The following THSD7A variants were observed in gnomAD, a reference collection of about 807,000 sequenced individuals.
THSD7A encodes the protein thrombospondin type-1 domain-containing protein 7A.
Under a neutral mutation model 231.3 loss-of-function variants are expected in THSD7A, and 96 were observed. That is an observed-to-expected ratio of 0.41 (90% CI 0.35 to 0.49). The LOEUF is 0.49. Ranked by LOEUF, THSD7A falls within the 20% of genes least tolerant of loss-of-function variation. THSD7A has a pLI of 0.05. For missense variants in THSD7A, 2,290 were observed against 2,070.2 expected (o/e 1.11, Z -2.06); for synonymous variants, 940 against 743.3 (o/e 1.26, Z -4.30).
rs567613163 is a variant in THSD7A, at chr7:11,556,833, C to G, written c.1454-13716G>C. 1.6e-4 allele frequency among the ~76,000 whole-genome samples: 25 copies of G among 152,128 alleles called. No individual in the cohort carries two copies. The South Asian group carries it at 5.2e-3, about 32-fold the overall frequency. ...ATATGGTTTCTGGTTCACTGTCACTCAAATTTCTTTTTCTTGTAGTAAGGT... is the reference window on the plus strand; with the variant it reads ...ATATGGTTTCTGGTTCACTGTCACTGAAATTTCTTTTTCTTGTAGTAAGGT... On this transcript the variant is annotated intron_variant, in intron 4 of 27. Coordinates refer to ENST00000423059, the MANE Select transcript of THSD7A (RefSeq NM_015204.3).
At chr7:11,665,778 G>A (rs528143280) in intron 1 of THSD7A, among the ~76,000 whole-genome samples, 2 of 151,904 alleles carry the variant, frequency 1.3e-5, no homozygotes, top group African/African-American at 4.8e-5. Context: ...ACAATTTGGG[G>A]GCCCCCTCAG....
intron 1 of THSD7A, among the ~76,000 whole-genome samples, chr7:11,741,323 G>T (rs934446915): frequency 5.3e-5 from 8 of 151,874 alleles, no homozygotes; most frequent in Non-Finnish European, 1.2e-4. Flanking sequence ...ATCCAAAGGG[G>T]AAAACATTTC....
chr7:11,374,036 A>C lies in THSD7A; in HGVS notation c.*1758T>G, dbSNP rs1330580125. 1 of 152,096 alleles carries C rather than the reference A, an allele frequency of 6.6e-6. No individual in the cohort carries two copies. Among genetic ancestry groups the C allele is most frequent in the Non-Finnish European group, 1.5e-5 (1 of 67,988 alleles). 9.4% of individuals were successfully genotyped at this position (152,096 alleles called of 1,614,324 possible). On this transcript the variant is annotated 3_prime_UTR_variant, in exon 28 of 28. Coordinates refer to ENST00000423059, the MANE Select transcript of THSD7A (RefSeq NM_015204.3). ...TAGAAAATACAGCTACTTCTGATAC[A>C]GTGGGAAATGTAATGACTGTAAATT...
At chr7:11,561,380 C>T (rs986573938) in intron 4 of THSD7A, among the ~76,000 whole-genome samples, 4 of 152,074 alleles carry the variant, frequency 2.6e-5, no homozygotes, top group African/African-American at 4.8e-5. Flanking sequence ...ACTTCTGTGC[C>T]GCAGTGAGAA....
At chr7:11,743,834 T>C (rs1439647891) in intron 1 of THSD7A, among the ~76,000 whole-genome samples, 2 of 151,922 alleles carry the variant, frequency 1.3e-5, no homozygotes, top group African/African-American at 4.8e-5. Context: ...CATAAAGAAT[T>C]ACAGGAGTCT....
At chr7:11,723,761 G>A (rs7787906) in intron 1 of THSD7A, among the ~76,000 whole-genome samples, 3,784 of 151,972 alleles carry the variant, frequency 0.025, 163 homozygotes, top group African/African-American at 0.087. Flanking sequence ...AAAAACAACC[G>A]TAAGTATTGT....
At chr7:11,546,223 C>CACACACACACACACACACACACAA (rs371554481) in intron 4 of THSD7A, among the ~76,000 whole-genome samples, 26 of 148,822 alleles carry the variant, frequency 1.7e-4, no homozygotes, top group African/African-American at 5.7e-4. Flanking sequence ...CACACACACA[C>CACACACACACACACACACACACAA]ACACACACGT....
chr7:11,380,206 A>G (rs1782456799), intron 24 of THSD7A, among the ~76,000 whole-genome samples: 1 of 152,138 alleles, frequency 6.6e-6, no homozygotes, highest in Admixed American at 6.6e-5. Context: ...CTGCTAATTC[A>G]TGGTGTTTTT....
chr7:11,481,413 G>A (rs1301401265), intron 7 of THSD7A, among the ~76,000 whole-genome samples: 1 of 152,038 alleles, frequency 6.6e-6, no homozygotes, highest in African/African-American at 2.4e-5. Flanking sequence ...GGTAGAATAT[G>A]ATTTTCAAAA....
At chr7:11,378,853 T>C (rs775352481) in intron 26 of THSD7A, 2 of 542,922 alleles carry the variant, frequency 3.7e-6, no homozygotes, top group Non-Finnish European at 6.4e-6. Flanking sequence ...AAATTTTTTC[T>C]CAGAAGAATG....
intron 2 of THSD7A, among the ~76,000 whole-genome samples, chr7:11,599,635 T>G (rs1373688969): frequency 6.6e-6 from 1 of 152,196 alleles, no homozygotes; most frequent in Non-Finnish European, 1.5e-5. Context: ...ATAGTTGTAT[T>G]ATGTTAGGCA....
chr7:11,644,009 T>C (rs1782189714), intron 1 of THSD7A, among the ~76,000 whole-genome samples: 1 of 150,776 alleles, frequency 6.6e-6, no homozygotes, highest in African/African-American at 2.4e-5. Context: ...ATTGGAGAAA[T>C]CCTGTGTGCT....
intron 1 of THSD7A, among the ~76,000 whole-genome samples, chr7:11,797,088 C>T (rs1784146103): frequency 6.6e-6 from 1 of 152,232 alleles, no homozygotes; most frequent in Middle Eastern, 3.4e-3. Flanking sequence ...TGGGAATTCT[C>T]ATATTTGAAA....
At chr7:11,763,687 C>A (rs942966589) in intron 1 of THSD7A, among the ~76,000 whole-genome samples, 7 of 152,048 alleles carry the variant, frequency 4.6e-5, no homozygotes, top group African/African-American at 1.7e-4. Context: ...ATAACTCATT[C>A]TTTGAATGTC....
In THSD7A at chr7:11,375,428, T is replaced by G; in HGVS notation, c.*366A>C. The G allele has an allele frequency of 5.9e-6, 1 of 169,856 alleles. No individual in the cohort carries two copies. Among genetic ancestry groups the G allele is most frequent in the Non-Finnish European group, 1.3e-5 (1 of 79,952 alleles). 10.5% of individuals were successfully genotyped at this position (169,856 alleles called of 1,614,324 possible). On this transcript the variant is annotated 3_prime_UTR_variant, in exon 28 of 28. Coordinates refer to ENST00000423059, the MANE Select transcript of THSD7A (RefSeq NM_015204.3). ...GGTAGAAACTCTTCATGCTAGGAAG[T>G]TTTATGGATTAACACTGCAGACGGT...
At position 11,825,705 on chromosome 7, in the gene THSD7A, T is replaced by C. The variant is rs75883655; in HGVS notation, c.190+6052A>G. ...TAGAATGCATCCCATTAATCCATATTGGAGATGAAAGAAAAAGATTCAGGG... is the reference window on the plus strand; with the variant it reads ...TAGAATGCATCCCATTAATCCATATCGGAGATGAAAGAAAAAGATTCAGGG... On this transcript the variant is annotated intron_variant, in intron 1 of 27. Transcript: ENST00000423059. 7.9e-5 allele frequency among the ~76,000 whole-genome samples: 12 copies of C among 152,258 alleles called. No homozygotes were observed. In the East Asian group the frequency reaches 2.3e-3, roughly 29 times the overall value.
At chr7:11,780,765 T>A (rs1192972562) in intron 1 of THSD7A, among the ~76,000 whole-genome samples, 1 of 152,050 alleles carries the variant, frequency 6.6e-6, no homozygotes, top group Admixed American at 6.6e-5. Flanking sequence ...TAGACAGCAA[T>A]GGATAACCAA....
intron 19 of THSD7A, chr7:11,410,675 T>C (rs755298081): frequency 2.6e-5 from 4 of 152,362 alleles, no homozygotes; most frequent in Admixed American, 6.5e-5. Context: ...GTTACAATTC[T>C]CTGTACCTAG....
At chr7:11,663,703 G>A (rs189064011) in intron 1 of THSD7A, among the ~76,000 whole-genome samples, 17 of 151,374 alleles carry the variant, frequency 1.1e-4, no homozygotes, top group Admixed American at 7.3e-4. Context: ...ACAACCAACC[G>A]GAGCTTTCTC....
Sources: gnomAD v4.1 joint callset for allele counts (sites outside exome capture counted in the v4.1 genomes callset) on GRCh38, gnomAD v4.1.1 for gene constraint, MANE v1.5 for transcripts, NCBI Gene and HGNC (gene_info 2026-07-23, HGNC 2026-07-21) for gene names.